PCSK5: variants seen among roughly 807,000 people sequenced by gnomAD.
PCSK5 encodes the protein prohormone convertase 5.
PCSK5 carries 129 observed loss-of-function variants against 233.2 expected under a neutral mutation model. The observed-to-expected ratio is 0.55, with a 90% CI of 0.48 to 0.64. The LOEUF is 0.64. PCSK5 is among the 30% of genes least tolerant of loss of function. The pLI, the probability that PCSK5 is intolerant of heterozygous loss-of-function variation, is 0.00. For synonymous variants in PCSK5, 825 were observed against 879.2 expected, an observed-to-expected ratio of 0.94 and a Z score of 1.09; for missense variants, 2,076 against 2,430.1, an observed-to-expected ratio of 0.85 and a Z score of 3.06.
chr9:75,988,208 C>T (rs1369133902), intron 3 of PCSK5, among the ~76,000 whole-genome samples: 1 of 152,156 alleles, frequency 6.6e-6, no homozygotes, highest in African/African-American at 2.4e-5. Context: ...GATAATATTA[C>T]AAATACATAA....
chr9:76,148,133 C>T (rs375249623), intron 10 of PCSK5, among the ~76,000 whole-genome samples: 2 of 151,530 alleles, frequency 1.3e-5, no homozygotes, highest in East Asian at 4.0e-4. Context: ...CAACTTTGAC[C>T]CATCTCCTGC....
At chr9:76,086,720 A>G (rs1159552841) in intron 7 of PCSK5, among the ~76,000 whole-genome samples, 1 of 152,152 alleles carries the variant, frequency 6.6e-6, no homozygotes, top group Admixed American at 6.5e-5. Flanking sequence ...GTCAGGGGAA[A>G]TCAGCACTGG....
In PCSK5 at chr9:76,328,130, C is replaced by A; in HGVS notation, c.4461C>A (p.Tyr1487Ter). Residue 1487 changes from tyrosine to a stop codon, truncating the protein, a stop_gained, in exon 33 of 38, where the codon TAC becomes TAA. Transcript: ENST00000674117. LOFTEE classifies it high-confidence loss of function. ...ACGAGAAGTGCTCACCCTCCGAGTA[C>A]TGGGATGAGGATGCTCCCGGGTGCA... ...MANEKCSPSEYWDEDAPGCKP... is the reference protein window; with the variant it reads ...MANEKCSPSE 1 of 1,612,848 alleles carries A rather than the reference C, an allele frequency of 6.2e-7. No homozygotes were observed. Among genetic ancestry groups the A allele is most frequent in the Non-Finnish European group, 8.5e-7 (1 of 1,179,820 alleles).
chr9:75,985,072 T>A (rs1201744351), intron 2 of PCSK5, among the ~76,000 whole-genome samples: 3 of 152,118 alleles, frequency 2.0e-5, no homozygotes, highest in African/African-American at 7.2e-5. Context: ...AACAAAACAT[T>A]CCAGAGCATT....
chr9:76,050,852 C>T (rs1829599177), intron 5 of PCSK5, among the ~76,000 whole-genome samples: 1 of 152,044 alleles, frequency 6.6e-6, no homozygotes, highest in Admixed American at 6.6e-5. Flanking sequence ...ATGTCTTCAC[C>T]AAGAGAGTCC....
chr9:76,304,003 C>A (rs968718771), intron 28 of PCSK5, among the ~76,000 whole-genome samples: 1 of 152,146 alleles, frequency 6.6e-6, no homozygotes, highest in Non-Finnish European at 1.5e-5. Context: ...GAAACCCCAT[C>A]TTTACTAAAA....
intron 13 of PCSK5, among the ~76,000 whole-genome samples, chr9:76,173,647 T>TG (rs1211254440): frequency 2.0e-5 from 3 of 151,814 alleles, no homozygotes; most frequent in Non-Finnish European, 4.4e-5. Flanking sequence ...GTGAAACACT[T>TG]GCCTCAGGTC....
intron 3 of PCSK5, among the ~76,000 whole-genome samples, chr9:76,010,265 G>A (rs1827674806): frequency 6.6e-6 from 1 of 152,160 alleles, no homozygotes; most frequent in African/African-American, 2.4e-5. Flanking sequence ...AGATTAACTG[G>A]ATGATAATTA....
At chr9:76,300,968 T>C (rs1828581695) in intron 27 of PCSK5, among the ~76,000 whole-genome samples, 2 of 152,124 alleles carry the variant, frequency 1.3e-5, no homozygotes, top group Admixed American at 6.6e-5. Context: ...ATTCCCTGGG[T>C]CACAAAAGAA....
chr9:75,928,846 A>G (rs1355480839), intron 1 of PCSK5, among the ~76,000 whole-genome samples: 1 of 151,896 alleles, frequency 6.6e-6, no homozygotes, highest in Non-Finnish European at 1.5e-5. Context: ...CCTTAATGTG[A>G]TAATTCTTTG....
intron 1 of PCSK5, among the ~76,000 whole-genome samples, chr9:75,903,394 G>A (rs1390945930): frequency 6.6e-6 from 1 of 151,452 alleles, no homozygotes; most frequent in African/African-American, 2.4e-5. Context: ...CATTATCTGA[G>A]AGGTTAATTC....
At chr9:76,036,831 G>A (rs1828879286) in intron 5 of PCSK5, among the ~76,000 whole-genome samples, 1 of 152,224 alleles carries the variant, frequency 6.6e-6, no homozygotes, top group Admixed American at 6.5e-5. Context: ...ATGAGTAGAT[G>A]AGAAATCAAT....
chr9:76,159,870 T>A (rs892394311), intron 12 of PCSK5, among the ~76,000 whole-genome samples: 1 of 140,640 alleles, frequency 7.1e-6, no homozygotes, highest in Admixed American at 7.5e-5. Context: ...GTCTCCAGGC[T>A]GGAGTGCGGT....
intron 5 of PCSK5, among the ~76,000 whole-genome samples, chr9:76,035,780 A>T (rs1828835871): frequency 6.6e-6 from 1 of 152,152 alleles, no homozygotes; most frequent in African/African-American, 2.4e-5. Flanking sequence ...CTTCTCTTGC[A>T]TCCTTATATT....
intron 24 of PCSK5, among the ~76,000 whole-genome samples, chr9:76,277,608 C>A (rs1035324600): frequency 6.6e-6 from 1 of 152,168 alleles, no homozygotes; most frequent in East Asian, 1.9e-4. Flanking sequence ...TGCATTACTG[C>A]CGATTCAAAC....
rs146796634 is a variant in PCSK5 at position 76,225,297 on chromosome 9, T to A, written c.2627-2206T>A. Among the ~76,000 whole-genome samples, 10 of 152,342 alleles carry A rather than the reference T, an allele frequency of 6.6e-5. No homozygotes were observed. In the East Asian group the frequency reaches 1.9e-3, roughly 29 times the overall value. On this transcript the variant is annotated intron_variant, in intron 20 of 37. Transcript: ENST00000674117. ...CATCTCCCTTAGTAGCTGGCATGTA[T>A]GTAGTGTTAAAAAATATATCCATAA...
chr9:76,181,426 C>T lies in PCSK5; in HGVS notation c.2032C>T (p.His678Tyr), dbSNP rs767180210. The part of the protein sequence containing the change: ...RICVSSCPPG[H>Y]YHADKKRCRK... Reference sequence around the variant, plus strand: ...CTGTGTCTCCAGCTGCCCCCCTGGCCACTACCACGCCGACAAGAAGCGCTG... The same window carrying T: ...CTGTGTCTCCAGCTGCCCCCCTGGCTACTACCACGCCGACAAGAAGCGCTG... The change falls in exon 16 of 38, where the codon CAC becomes TAC. Residue 678 changes from histidine to tyrosine, a missense_variant. Physicochemically the swap from His to Tyr is moderately conservative, Grantham distance 83 (BLOSUM62 2). This residue lies in a region of PCSK5 where 1,510 missense variants were observed against 1,538.1 expected (regional missense o/e 0.98). Transcript: ENST00000674117. The T allele has an allele frequency of 2.5e-6, 4 of 1,613,818 alleles. No individual in the cohort carries two copies. Among genetic ancestry groups the T allele is most frequent in the South Asian group, 1.1e-5 (1 of 91,040 alleles).
intron 5 of PCSK5, among the ~76,000 whole-genome samples, chr9:76,063,049 T>G (rs1487604380): frequency 6.6e-6 from 1 of 152,186 alleles, no homozygotes; most frequent in Non-Finnish European, 1.5e-5. Flanking sequence ...CATGCGATAT[T>G]TGTCTTTCTG....
chr9:76,132,642 AT>A (rs1822805475), intron 9 of PCSK5, among the ~76,000 whole-genome samples: 1 of 152,058 alleles, frequency 6.6e-6, no homozygotes, highest in African/African-American at 2.4e-5. Context: ...GTGGATGCAA[AT>A]TTTAGCAAAA....
Sources: allele counts gnomAD v4.1 joint callset (sites outside exome capture counted in the v4.1 genomes callset), GRCh38; gene constraint gnomAD v4.1.1; regional missense constraint gnomAD v4.1.1; transcripts MANE v1.5; gene names NCBI Gene and HGNC (gene_info 2026-07-23, HGNC 2026-07-21).